The following AKAP19 variants were observed in gnomAD, a reference collection of about 807,000 sequenced individuals.
AKAP19 encodes A-kinase anchoring protein 19.
At chr2:189,902,579 G>A in the AKAP19 span, among the ~76,000 whole-genome samples, 1 of 152,054 alleles carries the variant, frequency 6.6e-6, no homozygotes, top group African/African-American at 2.4e-5. Flanking sequence ...TTTGGATTCA[G>A]TATGTCAACT....
the AKAP19 span, among the ~76,000 whole-genome samples, chr2:190,168,423 G>A: frequency 1.8e-4 from 20 of 111,712 alleles, no homozygotes; most frequent in South Asian, 9.3e-4. Flanking sequence ...CCCCCCCACC[G>A]CCCTCCCCAC....
the AKAP19 span, chr2:190,199,636 C>CTCAA: frequency 9.3e-7 from 1 of 1,071,860 alleles, no homozygotes; most frequent in Non-Finnish European, 1.2e-6. Context: ...TTACATGCCA[C>CTCAA]TCAATCATAC....
At chr2:189,971,303 G>A in the AKAP19 span, among the ~76,000 whole-genome samples, 6 of 152,204 alleles carry the variant, frequency 3.9e-5, no homozygotes, top group Admixed American at 3.3e-4. Context: ...TCCCTACAAA[G>A]TACATGAACT....
the AKAP19 span, among the ~76,000 whole-genome samples, chr2:189,904,840 G>A: frequency 1.3e-5 from 2 of 151,910 alleles, no homozygotes; most frequent in Non-Finnish European, 2.9e-5. Context: ...GATCTCCTTT[G>A]AACTTTAGTT....
the AKAP19 span, among the ~76,000 whole-genome samples, chr2:190,073,973 C>A: frequency 6.7e-6 from 1 of 149,868 alleles, no homozygotes; most frequent in African/African-American, 2.5e-5. Context: ...ACCTGGGAGG[C>A]GGAGGTTACA....
chr2:190,093,133 G>A, the AKAP19 span, among the ~76,000 whole-genome samples: 1 of 152,006 alleles, frequency 6.6e-6, no homozygotes, highest in Non-Finnish European at 1.5e-5. Flanking sequence ...AGTTTAAAAA[G>A]TAATTAAGGC....
chr2:190,100,417 G>C, the AKAP19 span, among the ~76,000 whole-genome samples: 1 of 152,176 alleles, frequency 6.6e-6, no homozygotes, highest in African/African-American at 2.4e-5. Context: ...AAGGAATCCA[G>C]TTCTTTCATG....
chr2:189,950,405 G>C, the AKAP19 span, among the ~76,000 whole-genome samples: 1 of 148,554 alleles, frequency 6.7e-6, no homozygotes, highest in Admixed American at 6.8e-5. Context: ...ATGGGAGCAA[G>C]AGAAGAATAA....
At chr2:190,163,165 T>C in the AKAP19 span, among the ~76,000 whole-genome samples, 1 of 152,126 alleles carries the variant, frequency 6.6e-6, no homozygotes, top group East Asian at 1.9e-4. Flanking sequence ...CCGGGCGCGG[T>C]GGCTCACGCC....
the AKAP19 span, among the ~76,000 whole-genome samples, chr2:189,899,434 G>A: frequency 6.6e-6 from 1 of 152,082 alleles, no homozygotes; most frequent in African/African-American, 2.4e-5. Flanking sequence ...TAACTCTAAT[G>A]TTTCCTAAGC....
At chr2:190,154,467 A>C in the AKAP19 span, among the ~76,000 whole-genome samples, 1 of 152,230 alleles carries the variant, frequency 6.6e-6, no homozygotes, top group Non-Finnish European at 1.5e-5. Flanking sequence ...ACAGATATTC[A>C]TAACTAATCT....
the AKAP19 span, among the ~76,000 whole-genome samples, chr2:190,113,203 C>A: frequency 6.6e-6 from 1 of 151,988 alleles, no homozygotes; most frequent in East Asian, 1.9e-4. Flanking sequence ...TCTTGGTCAG[C>A]GTTTTCATTT....
chr2:189,921,468 C>G, the AKAP19 span, among the ~76,000 whole-genome samples: 1 of 151,886 alleles, frequency 6.6e-6, no homozygotes, highest in Non-Finnish European at 1.5e-5. Context: ...GATGAAGATC[C>G]CCAATATGGT....
At chr2:190,183,567 T>C in the AKAP19 span, among the ~76,000 whole-genome samples, 2 of 152,198 alleles carry the variant, frequency 1.3e-5, no homozygotes, top group Non-Finnish European at 2.9e-5. Flanking sequence ...TTGCCAGAGA[T>C]AGATGTCAAA....
At chr2:189,947,144 C>A in the AKAP19 span, among the ~76,000 whole-genome samples, 1 of 152,102 alleles carries the variant, frequency 6.6e-6, no homozygotes, top group Admixed American at 6.6e-5. Context: ...TCTTTTATTC[C>A]TAAAAGTTAG....
chr2:190,133,121 C>T, the AKAP19 span, among the ~76,000 whole-genome samples: 18 of 151,338 alleles, frequency 1.2e-4, no homozygotes, highest in South Asian at 2.1e-4. Flanking sequence ...GCCTGTAGTG[C>T]CAGCTACTCG....
At chr2:189,913,190 A>C in the AKAP19 span, among the ~76,000 whole-genome samples, 1 of 152,156 alleles carries the variant, frequency 6.6e-6, no homozygotes, top group Non-Finnish European at 1.5e-5. Context: ...GTCTTTAATA[A>C]AAGAAAAGAA....
the AKAP19 span, among the ~76,000 whole-genome samples, chr2:190,120,560 C>T: frequency 6.6e-6 from 1 of 152,200 alleles, no homozygotes; most frequent in Admixed American, 6.5e-5. Flanking sequence ...AGAAACAAGG[C>T]TGGAACCACT....
chr2:190,010,141 A>T, the AKAP19 span, among the ~76,000 whole-genome samples: 3 of 152,246 alleles, frequency 2.0e-5, no homozygotes, highest in African/African-American at 7.2e-5. Context: ...GATAGGAAAG[A>T]CAAGGGAGTA....
Sources: gnomAD v4.1 joint callset for allele counts (sites outside exome capture counted in the v4.1 genomes callset) on GRCh38, gnomAD v4.1.1 for gene constraint, MANE v1.5 for transcripts, NCBI Gene and HGNC (gene_info 2026-07-23, HGNC 2026-07-21) for gene names.